Variants in GPHN observed in about 807,000 individuals in gnomAD.
GPHN encodes the protein gephyrin.
GPHN carries 17 observed loss-of-function variants against 95.5 expected under a neutral mutation model. The ratio of observed to expected loss-of-function variants is 0.18; its 90% CI spans 0.12 to 0.27. GPHN has a LOEUF of 0.27. GPHN is among the 10% of genes least tolerant of loss of function. The probability of loss-of-function intolerance (pLI) is 1.00; values close to 1 mark genes in which losing one functional copy is unlikely to be tolerated. For synonymous variants in GPHN, 320 were observed against 322.5 expected (o/e 0.99, Z 0.08); for missense variants, 660 against 978.1 (o/e 0.67, Z 4.34).
chr14:66,813,830 G>A (rs2060855047), intron 3 of GPHN, among the ~76,000 whole-genome samples: 1 of 152,156 alleles, frequency 6.6e-6, no homozygotes, highest in Admixed American at 6.5e-5. Context: ...GCCTGTCCTG[G>A]GGCCCTAGCC....
chr14:67,291,422 T>C, the GPHN span, among the ~76,000 whole-genome samples: 1 of 152,022 alleles, frequency 6.6e-6, no homozygotes, highest in African/African-American at 2.4e-5. Flanking sequence ...GTAGCTAGGA[T>C]TACAGGTGCC....
At chr14:67,659,373 G>T in the GPHN span, among the ~76,000 whole-genome samples, 5 of 151,658 alleles carry the variant, frequency 3.3e-5, no homozygotes, top group Admixed American at 2.6e-4. Flanking sequence ...TTATATGAGA[G>T]AATAAAAAAG....
chr14:67,255,926 A>T, the GPHN span, among the ~76,000 whole-genome samples: 98 of 152,348 alleles, frequency 6.4e-4, no homozygotes, highest in Non-Finnish European at 1.1e-3. Context: ...ACCTCAAGTG[A>T]TCCACATGCT....
At chr14:67,374,316 T>A in the GPHN span, 44 of 446,570 alleles carry the variant, frequency 9.9e-5, no homozygotes, top group African/African-American at 8.2e-4. Flanking sequence ...ATACTCAGCC[T>A]TGTAATACTT....
At chr14:66,919,793 G>A (rs188477435) in intron 6 of GPHN, among the ~76,000 whole-genome samples, 3 of 152,160 alleles carry the variant, frequency 2.0e-5, no homozygotes, top group Admixed American at 1.3e-4. Flanking sequence ...TTGGCCAGGC[G>A]TTGGGGCTCA....
chr14:66,946,027 AT>A lies in GPHN; in HGVS notation c.829-19155del, dbSNP rs577626543. On this transcript the variant is annotated intron_variant, in intron 8 of 22. Coordinates refer to ENST00000478722, the MANE Select transcript of GPHN (RefSeq NM_020806.5). ...ACAAAATAGTTTTACATTCCCTGAA[AT>A]TTTTTTTTAATTTATTTTATGTTTG... Among the ~76,000 whole-genome samples, 478 of 151,812 alleles carry A rather than the reference AT, an allele frequency of 3.1e-3. 11 individuals carry two copies. The highest frequency in any genetic ancestry group is 0.011 in the African/African-American group (446 of 41,392).
At chr14:67,621,915 G>A in the GPHN span, among the ~76,000 whole-genome samples, 2 of 151,882 alleles carry the variant, frequency 1.3e-5, no homozygotes, top group African/African-American at 4.8e-5. Context: ...TGACCAATAT[G>A]GCGAAATCCC....
At chr14:67,082,541 A>G (rs1338257604) in intron 11 of GPHN, among the ~76,000 whole-genome samples, 1 of 152,054 alleles carries the variant, frequency 6.6e-6, no homozygotes, top group Admixed American at 6.6e-5. Flanking sequence ...TGGCTTCATA[A>G]TATGTTTTGA....
chr14:66,564,812 C>T (rs916221070), intron 1 of GPHN, among the ~76,000 whole-genome samples: 1 of 152,086 alleles, frequency 6.6e-6, no homozygotes, highest in Non-Finnish European at 1.5e-5. Flanking sequence ...TGTGTGCATG[C>T]ATATTTCAGT....
chr14:66,686,503 T>C (rs1378073983), intron 2 of GPHN, among the ~76,000 whole-genome samples: 1 of 152,192 alleles, frequency 6.6e-6, no homozygotes, highest in Non-Finnish European at 1.5e-5. Flanking sequence ...TTTTATTCTC[T>C]TTGTAGCAAT....
chr14:67,304,904 C>T, the GPHN span, among the ~76,000 whole-genome samples: 3 of 152,260 alleles, frequency 2.0e-5, no homozygotes, highest in Admixed American at 2.0e-4. Context: ...AGAAAGAACA[C>T]AGTTTCATTT....
At chr14:67,045,421 T>A (rs886458964) in intron 10 of GPHN, among the ~76,000 whole-genome samples, 1 of 151,822 alleles carries the variant, frequency 6.6e-6, no homozygotes, top group Non-Finnish European at 1.5e-5. Context: ...TCTCTCTCTC[T>A]TGTCTTTCTG....
chr14:66,563,865 G>T (rs2060360572), intron 1 of GPHN, among the ~76,000 whole-genome samples: 1 of 151,976 alleles, frequency 6.6e-6, no homozygotes, highest in Admixed American at 6.6e-5. Flanking sequence ...TTCTAGTCTG[G>T]CTTTTCTTGC....
At chr14:66,580,182 G>T (rs1308645200) in intron 1 of GPHN, among the ~76,000 whole-genome samples, 2 of 151,750 alleles carry the variant, frequency 1.3e-5, no homozygotes, top group African/African-American at 4.8e-5. Flanking sequence ...AATGAAAGTG[G>T]ACACTCAACA....
the GPHN span, among the ~76,000 whole-genome samples, chr14:67,265,782 G>A: frequency 2.3e-4 from 35 of 150,428 alleles, no homozygotes; most frequent in Non-Finnish European, 4.7e-4. Context: ...ACTTGAACCC[G>A]GGAGGTGGCA....
At chr14:66,949,265 A>G (rs773493891) in intron 8 of GPHN, among the ~76,000 whole-genome samples, 45 of 152,070 alleles carry the variant, frequency 3.0e-4, no homozygotes, top group Non-Finnish European at 5.6e-4. Flanking sequence ...TTGTATTTTT[A>G]GTAGAGACAG....
chr14:67,590,258 T>A, the GPHN span: 1 of 1,169,474 alleles, frequency 8.6e-7, no homozygotes, highest in Non-Finnish European at 1.2e-6. Context: ...AATTTTTTTT[T>A]TTTTTTTTTT....
At chr14:67,142,830 A>G (rs1178275794) in intron 17 of GPHN, among the ~76,000 whole-genome samples, 1 of 152,154 alleles carries the variant, frequency 6.6e-6, no homozygotes, top group African/African-American at 2.4e-5. Flanking sequence ...AGGCTTAACC[A>G]TTATTCCAAG....
rs750027361 is a variant in GPHN, at chr14:67,180,800, C to T, written c.2177-4C>T. 6.2e-7 allele frequency: 1 copy of T among 1,613,214 alleles called. No individual in the cohort carries two copies. The highest frequency in any genetic ancestry group is 2.2e-5 in the East Asian group (1 of 44,830). On this transcript the variant is annotated splice_polypyrimidine_tract_variant and splice_region_variant and intron_variant, in intron 22 of 22. Coordinates refer to ENST00000478722, the MANE Select transcript of GPHN (RefSeq NM_020806.5). ...GCTGCTGTAATAAGAGTATTTCTTT[C>T]TAGGTAATCAAATGAGCAGCCGTCT... is the stretch of plus-strand genomic sequence containing the variant.
Sources: gnomAD v4.1 joint callset for allele counts (sites outside exome capture counted in the v4.1 genomes callset) on GRCh38, gnomAD v4.1.1 for gene constraint, MANE v1.5 for transcripts, NCBI Gene and HGNC (gene_info 2026-07-23, HGNC 2026-07-21) for gene names.